Variants in SERAC1 observed in about 807,000 individuals in gnomAD.
The protein encoded by SERAC1 is serine active site containing 1, also known as protein SERAC1.
In SERAC1, 36 loss-of-function variants were observed where a neutral mutation model predicts 85.7. The ratio of observed to expected loss-of-function variants is 0.42; its 90% CI spans 0.32 to 0.55. The LOEUF (loss-of-function observed/expected upper bound fraction) is 0.55. SERAC1 is among the 20% of genes least tolerant of loss of function. The pLI is 0.11. For synonymous variants in SERAC1, 242 were observed against 265.3 expected, an observed-to-expected ratio of 0.91 and a Z score of 0.85; for missense variants, 629 against 796.2, an observed-to-expected ratio of 0.79 and a Z score of 2.53.
intron 10 of SERAC1, among the ~76,000 whole-genome samples, chr6:158,127,050 C>CAA (rs35185078): frequency 7.0e-6 from 1 of 143,808 alleles, no homozygotes; most frequent in African/African-American, 2.6e-5. Flanking sequence ...GAGATTCTCT[C>CAA]AAAAAAAAAA....
At chr6:158,115,729 C>G (rs754736377) in intron 14 of SERAC1, among the ~76,000 whole-genome samples, 25 of 152,144 alleles carry the variant, frequency 1.6e-4, no homozygotes, top group Admixed American at 6.5e-4. Context: ...CACACCTGTA[C>G]CTCAGCAGCT....
At chr6:158,167,963 C>G (rs997636950) in intron 1 of SERAC1, among the ~76,000 whole-genome samples, 177 bp downstream of exon 1, 1 of 151,760 alleles carries the variant, frequency 6.6e-6, no homozygotes, top group African/African-American at 2.4e-5. Context: ...CTCGCGACCA[C>G]CAGAGAGAGA....
intron 1 of SERAC1, among the ~76,000 whole-genome samples, chr6:158,163,981 C>T (rs555862616): frequency 5.3e-5 from 8 of 151,908 alleles, no homozygotes; most frequent in South Asian, 2.1e-4. Flanking sequence ...GTGATCCACC[C>T]GCCTCGGCTT....
At chr6:158,114,474 T>TG (rs1291518620) in intron 15 of SERAC1, 10 of 1,119,354 alleles carry the variant, frequency 8.9e-6, no homozygotes, top group Admixed American at 4.6e-5. Flanking sequence ...TCTCCACTCA[T>TG]GGGGGAAAAA....
intron 10 of SERAC1, among the ~76,000 whole-genome samples, chr6:158,121,369 T>G (rs1784419091): frequency 6.6e-6 from 1 of 152,108 alleles, no homozygotes; most frequent in Non-Finnish European, 1.5e-5. Context: ...TTATTTAATT[T>G]AAAATAAAGC....
intron 8 of SERAC1, among the ~76,000 whole-genome samples, chr6:158,133,447 G>A (rs1250564274): frequency 1.5e-5 from 2 of 136,082 alleles, no homozygotes; most frequent in East Asian, 2.2e-4. Context: ...GTGCAGTGGT[G>A]CAATCTCAGC....
At position 158,110,492 on chromosome 6, in the gene SERAC1, C is replaced by T. The variant is rs1474930814; in HGVS notation, c.*874G>A. 1 of 152,164 alleles carries T rather than the reference C, an allele frequency of 6.6e-6. No individual in the cohort carries two copies. Among genetic ancestry groups the T allele is most frequent in the Non-Finnish European group, 1.5e-5 (1 of 68,024 alleles). The allele number at this position is 152,164 out of a possible 1,614,324, so 9.4% of individuals were successfully genotyped here. On this transcript the variant is annotated 3_prime_UTR_variant, in exon 17 of 17. Coordinates refer to ENST00000647468, the MANE Select transcript of SERAC1 (RefSeq NM_032861.4). ...GCTGTTACTCTAAAGAAAAAAAGGT[C>T]ATCGACATGATTATCTACTACTCAC...
At chr6:158,116,449 T>C in intron 13 of SERAC1, 167 bp from the exon 14 acceptor site, 1 of 574,356 alleles carries the variant, frequency 1.7e-6, no homozygotes. Context: ...ACCCCTATTC[T>C]CTCTTATTGA....
chr6:158,115,402 A>G (rs1367773393), intron 14 of SERAC1, among the ~76,000 whole-genome samples: 1 of 152,188 alleles, frequency 6.6e-6, no homozygotes, highest in Non-Finnish European at 1.5e-5. Context: ...CACAGCTTTC[A>G]TGGGAACTGT....
In SERAC1 at chr6:158,140,253, G is replaced by T. The variant is rs1162772982; in HGVS notation, c.738+2803C>A. On this transcript the variant is annotated intron_variant, in intron 8 of 16. Coordinates refer to ENST00000647468, the MANE Select transcript of SERAC1 (RefSeq NM_032861.4). ...GGGCTGGTGGCCAGAAAGACTAAGG[G>T]CATGATTAGATGGTAGGGACTTTCT... Among the ~76,000 whole-genome samples, 3 of 152,262 alleles carry T rather than the reference G, an allele frequency of 2.0e-5. No homozygotes were observed. In the South Asian group the frequency reaches 6.2e-4, roughly 32 times the overall value.
At chr6:158,140,343 A>G (rs1023144418) in intron 8 of SERAC1, among the ~76,000 whole-genome samples, 9 of 152,220 alleles carry the variant, frequency 5.9e-5, no homozygotes, top group African/African-American at 1.9e-4. Flanking sequence ...AAGGTCAATG[A>G]GTCAATCAAT....
At chr6:158,146,752 G>C (rs750290375) in intron 6 of SERAC1, 30 bp downstream of exon 6, 22 of 1,611,192 alleles carry the variant, frequency 1.4e-5, no homozygotes, top group South Asian at 1.2e-4. Context: ...CCAGCTGAAG[G>C]CATGCCACCT....
intron 16 of SERAC1, 79 bp from the exon 17 acceptor site, chr6:158,111,581 G>T: frequency 1.7e-6 from 2 of 1,145,446 alleles, no homozygotes; most frequent in East Asian, 2.6e-5. Context: ...AGGCCGAATG[G>T]GTAGTTCTAG....
intron 2 of SERAC1, among the ~76,000 whole-genome samples, 178 bp from the exon 3 acceptor site, chr6:158,155,529 A>T (rs769814037): frequency 1.3e-5 from 2 of 152,180 alleles, no homozygotes; most frequent in African/African-American, 4.8e-5. Flanking sequence ...ACAAACACAC[A>T]AATCAACAAG....
intron 8 of SERAC1, 56 bp downstream of exon 8, chr6:158,143,000 T>C: frequency 7.1e-7 from 1 of 1,404,974 alleles, no homozygotes; most frequent in South Asian, 1.2e-5. Context: ...ACTGACACAA[T>C]ACATTGGAAA....
At chr6:158,148,977 T>G (rs781684552) in intron 4 of SERAC1, 23 bp from the exon 5 acceptor site, 4 of 1,539,318 alleles carry the variant, frequency 2.6e-6, no homozygotes, top group Non-Finnish European at 3.5e-6. Context: ...TAAAATTAAG[T>G]AAAACCAAGA....
At chr6:158,121,834 TCTC>T (rs1784429098) in intron 10 of SERAC1, among the ~76,000 whole-genome samples, 1 of 152,212 alleles carries the variant, frequency 6.6e-6, no homozygotes, top group Admixed American at 6.5e-5. Flanking sequence ...GTACAAGCCA[TCTC>T]TGGCTTTTTT....
intron 15 of SERAC1, chr6:158,114,588 T>G: frequency 1.6e-6 from 2 of 1,251,236 alleles, no homozygotes; most frequent in Non-Finnish European, 2.0e-6. Context: ...TTACAATGCT[T>G]GAGTAAATAA....
Position 158,146,812 on chromosome 6 carries a change from G to T in SERAC1, c.457C>A (p.Arg153=). The T allele has an allele frequency of 6.2e-7, 1 of 1,613,732 alleles. No homozygotes were observed. Among genetic ancestry groups the T allele is most frequent in the Non-Finnish European group, 8.5e-7 (1 of 1,179,782 alleles). The change falls in exon 6 of 17, where the codon CGG becomes AGG. Residue 153 remains arginine, a synonymous_variant. Coordinates refer to ENST00000647468, the MANE Select transcript of SERAC1 (RefSeq NM_032861.4). Reference sequence around the variant, plus strand: ...CAGTGATGGGTCTCCGACATTTCCCGCACAGCCTCGAGTCGCGTGGTTTTG... The same window carrying T: ...CAGTGATGGGTCTCCGACATTTCCCTCACAGCCTCGAGTCGCGTGGTTTTG... ...DDKTTRLEAV[R]EMSETHHWHD... is the part of the protein sequence containing the mutation.
Sources: gnomAD v4.1 joint callset for allele counts (sites outside exome capture counted in the v4.1 genomes callset) on GRCh38, gnomAD v4.1.1 for gene constraint, MANE v1.5 for transcripts, NCBI Gene and HGNC (gene_info 2026-07-23, HGNC 2026-07-21) for gene names.